MTMR8: variants seen among roughly 807,000 people sequenced by gnomAD.
MTMR8 encodes the protein phosphatidylinositol-3,5-bisphosphate 3-phosphatase MTMR8.
A neutral mutation model predicts 39.3 loss-of-function variants in MTMR8; 65 were observed. The observed-to-expected ratio is 1.65, with a 90% CI of 1.35 to 2.03. MTMR8 has a LOEUF of 2.03. MTMR8 is among the 30% of genes most tolerant of loss of function. The pLI is 0.00. For missense variants in MTMR8, 777 were observed against 538.9 expected (o/e 1.44, Z -4.37); for synonymous variants, 245 against 185.2 (o/e 1.32, Z -2.62).
At chrX:64,285,498 AC>A (rs1045520163) in intron 12 of MTMR8, among the ~76,000 whole-genome samples, 2 of 111,526 alleles carry the variant, frequency 1.8e-5, no homozygotes, top group African/African-American at 6.5e-5. Flanking sequence ...AGAACACTCC[AC>A]CCCAAATCAA....
intron 1 of MTMR8, among the ~76,000 whole-genome samples, chrX:64,379,005 T>G (rs936394319): frequency 8.9e-6 from 1 of 111,886 alleles, no homozygotes; most frequent in African/African-American, 3.2e-5. Flanking sequence ...TATGAATAAC[T>G]GTATGTCCAC....
At chrX:64,395,209 A>C (rs1924788893) in intron 1 of MTMR8, 131 bp downstream of exon 1, 2 of 672,608 alleles carry the variant, frequency 3.0e-6, no homozygotes, top group African/African-American at 4.3e-5. Context: ...ACCCAGAAAG[A>C]GAACCCGGGA....
intron 10 of MTMR8, among the ~76,000 whole-genome samples, chrX:64,335,592 C>T (rs1056854505): frequency 3.6e-5 from 4 of 111,896 alleles, no homozygotes; most frequent in Non-Finnish European, 7.5e-5. Context: ...AAATATAAGC[C>T]CTTGTCCTCA....
chrX:64,338,316 T>A (rs1436956220), intron 8 of MTMR8, among the ~76,000 whole-genome samples: 1 of 110,841 alleles, frequency 9.0e-6, no homozygotes, highest in Non-Finnish European at 1.9e-5. Context: ...TGCAAACCAA[T>A]GAAAAATAAA....
intron 12 of MTMR8, among the ~76,000 whole-genome samples, chrX:64,277,984 C>T (rs949055710): frequency 9.2e-6 from 1 of 108,943 alleles, no homozygotes; most frequent in Admixed American, 1.0e-4. Flanking sequence ...AGTTGATCTT[C>T]AATCTCTGAT....
chrX:64,358,962 C>A (rs889901947), intron 2 of MTMR8, among the ~76,000 whole-genome samples: 8 of 109,783 alleles, frequency 7.3e-5, no homozygotes, highest in Non-Finnish European at 1.5e-4. Context: ...TCCATGAGGC[C>A]TTAGCATCAG....
At chrX:64,360,658 G>A (rs73526304) in intron 1 of MTMR8, among the ~76,000 whole-genome samples, 16 of 111,443 alleles carry the variant, frequency 1.4e-4, no homozygotes, top group South Asian at 3.7e-4. Flanking sequence ...AAAATGTAGC[G>A]TATGTTTGAA....
At chrX:64,294,090 C>G (rs149776310) in intron 12 of MTMR8, among the ~76,000 whole-genome samples, 14 of 111,805 alleles carry the variant, frequency 1.3e-4, no homozygotes, top group African/African-American at 3.2e-4. Flanking sequence ...CTGATTCTTA[C>G]CATCTCACCT....
chrX:64,290,915 G>A (rs1161585878), intron 12 of MTMR8, among the ~76,000 whole-genome samples: 1 of 111,833 alleles, frequency 8.9e-6, no homozygotes, highest in African/African-American at 3.2e-5. Context: ...AATGCTATAA[G>A]TATTCATGTA....
At chrX:64,286,769 A>T (rs1921194445) in intron 12 of MTMR8, among the ~76,000 whole-genome samples, 1 of 111,882 alleles carries the variant, frequency 8.9e-6, no homozygotes, top group African/African-American at 3.3e-5. Context: ...ACAGCCCTTC[A>T]TGCTAAAAAC....
intron 2 of MTMR8, among the ~76,000 whole-genome samples, chrX:64,358,252 G>A (rs746317536): frequency 8.9e-6 from 1 of 111,860 alleles, no homozygotes; most frequent in African/African-American, 3.2e-5. Flanking sequence ...TACATAGCCA[G>A]TTAGCATCAG....
At chrX:64,391,612 T>A (rs1209493197) in intron 1 of MTMR8, among the ~76,000 whole-genome samples, 1 of 112,387 alleles carries the variant, frequency 8.9e-6, no homozygotes, top group Non-Finnish European at 1.9e-5. Context: ...CCCAATGTGA[T>A]ATTCTGCATA....
chrX:64,392,534 G>A (rs1016849260), intron 1 of MTMR8, among the ~76,000 whole-genome samples: 2 of 111,621 alleles, frequency 1.8e-5, no homozygotes, highest in Admixed American at 9.5e-5. Flanking sequence ...CTTGGGAGGG[G>A]TATTGACTGG....
chrX:64,390,768 C>T (rs1924671751), intron 1 of MTMR8, among the ~76,000 whole-genome samples: 1 of 110,616 alleles, frequency 9.0e-6, no homozygotes, highest in Admixed American at 9.6e-5. Context: ...CCCCACCGCC[C>T]CCCCAGCCTC....
intron 12 of MTMR8, among the ~76,000 whole-genome samples, chrX:64,294,753 A>C (rs1180061979): frequency 9.0e-6 from 1 of 111,357 alleles, no homozygotes; most frequent in Non-Finnish European, 1.9e-5. Context: ...AGGAGAAAAC[A>C]ATGTCTCTGG....
At chrX:64,283,887 A>G (rs1921052337) in intron 12 of MTMR8, among the ~76,000 whole-genome samples, 1 of 112,336 alleles carries the variant, frequency 8.9e-6, no homozygotes, top group Admixed American at 9.4e-5. Flanking sequence ...AACAGAAGAG[A>G]AAAACTGAAA....
At chrX:64,375,978 A>G (rs1022432977) in intron 1 of MTMR8, among the ~76,000 whole-genome samples, 5 of 111,328 alleles carry the variant, frequency 4.5e-5, no homozygotes, top group Non-Finnish European at 9.4e-5. Context: ...AAAAGTGTGT[A>G]GCACTTCCCC....
At chrX:64,367,680 T>C (rs1602150758) in intron 1 of MTMR8, among the ~76,000 whole-genome samples, 1 of 112,023 alleles carries the variant, frequency 8.9e-6, no homozygotes, top group African/African-American at 3.2e-5. Flanking sequence ...ACTGGAAGCA[T>C]TCCCTTTGAA....
chrX:64,280,483 C>T (rs191414049), intron 12 of MTMR8, among the ~76,000 whole-genome samples: 1,164 of 111,520 alleles, frequency 0.01, 5 homozygotes, highest in Non-Finnish European at 0.018. Context: ...AAAAGGCCTT[C>T]GATAAAATTC....
Sources: allele counts gnomAD v4.1 joint callset (sites outside exome capture counted in the v4.1 genomes callset), GRCh38; gene constraint gnomAD v4.1.1; transcripts MANE v1.5; gene names NCBI Gene and HGNC (gene_info 2026-07-23, HGNC 2026-07-21).